Variants in ZNF451 observed in about 807,000 individuals in gnomAD.
ZNF451 encodes zinc finger protein 451.
Under a neutral mutation model 107.1 loss-of-function variants are expected in ZNF451, and 80 were observed. The ratio of observed to expected loss-of-function variants is 0.75; its 90% CI spans 0.62 to 0.90. ZNF451 has a LOEUF of 0.90. Among genes scored for constraint, ZNF451 ranks in the 40% least tolerant of loss-of-function variants. The probability of loss-of-function intolerance (pLI) is 0.00; values close to 1 mark genes in which losing one functional copy is unlikely to be tolerated. For missense variants in ZNF451, 1,107 were observed against 1,236.2 expected (o/e 0.90, Z 1.57); for synonymous variants, 362 against 406.5 (o/e 0.89, Z 1.32).
At chr6:57,124,279 G>A in intron 3 of ZNF451, 2 of 608,258 alleles carry the variant, frequency 3.3e-6, no homozygotes, top group Non-Finnish European at 5.8e-6. Flanking sequence ...GCCCCTCTAT[G>A]GCTGGCTCCC....
In ZNF451 at chr6:57,148,398, TATCC is replaced by T. The variant is rs748013296; in HGVS notation, c.2317_2320del (p.His773LysfsTer15). On this transcript the variant is annotated frameshift_variant, in exon 10 of 15. Transcript: ENST00000370706. LOFTEE classifies it high-confidence loss of function. ...AGAATTTAACCGACATGAACACTCA[TATCC>T]ATCAAGTGCACAAAGAAAAGAGTGA... The T allele has an allele frequency of 5.6e-6, 9 of 1,613,916 alleles. No individual in the cohort carries two copies.
At chr6:57,154,140 T>C (rs762780458) in intron 13 of ZNF451, 93 bp downstream of exon 13, 1 of 1,223,882 alleles carries the variant, frequency 8.2e-7, no homozygotes, top group South Asian at 1.2e-5. Flanking sequence ...AGTGAACTGT[T>C]GCCTGCTTGC....
chr6:57,096,767 C>G (rs1336998710), intron 2 of ZNF451, among the ~76,000 whole-genome samples: 1 of 79,932 alleles, frequency 1.3e-5, no homozygotes, highest in Non-Finnish European at 2.5e-5. Flanking sequence ...AATTTTCAGT[C>G]TTTTTTTTTT....
chr6:57,160,575 TCCAC>T (rs1284761366), intron 13 of ZNF451, among the ~76,000 whole-genome samples: 5 of 152,152 alleles, frequency 3.3e-5, no homozygotes, highest in African/African-American at 9.7e-5. Flanking sequence ...GCTCAGGTGA[TCCAC>T]CCACTTCGGC....
At chr6:57,102,895 G>A in intron 3 of ZNF451, 1 of 985,424 alleles carries the variant, frequency 1.0e-6, no homozygotes. Context: ...AGAATTGTTT[G>A]TTGTTATCAA....
intron 7 of ZNF451, among the ~76,000 whole-genome samples, chr6:57,137,301 A>C (rs976593780): frequency 1.3e-5 from 2 of 152,186 alleles, no homozygotes; most frequent in African/African-American, 4.8e-5. Flanking sequence ...CAATGGAAAA[A>C]AGTCAAATTA....
At chr6:57,168,346 T>C (rs1763991984) in intron 14 of ZNF451, 77 bp from the exon 15 acceptor site, 5 of 1,003,184 alleles carry the variant, frequency 5.0e-6, no homozygotes, top group Admixed American at 2.3e-5. Context: ...AAGAATACAG[T>C]CGATGAAACT....
At chr6:57,163,641 G>A (rs1439795418) in intron 14 of ZNF451, among the ~76,000 whole-genome samples, 1 of 150,170 alleles carries the variant, frequency 6.7e-6, no homozygotes, top group East Asian at 2.0e-4. Context: ...TAGTAGAGAC[G>A]GGGTTTCACC....
chr6:57,100,782 T>G, intron 3 of ZNF451: 2 of 1,549,444 alleles, frequency 1.3e-6, no homozygotes, highest in Non-Finnish European at 1.7e-6. Context: ...ACCAGAAAAA[T>G]GATCAAAATA....
At chr6:57,126,380 T>C (rs1273355127) in intron 4 of ZNF451, among the ~76,000 whole-genome samples, 1 of 152,094 alleles carries the variant, frequency 6.6e-6, no homozygotes, top group Admixed American at 6.6e-5. Flanking sequence ...ACTTATTTTT[T>C]AAAAGTAGAT....
chr6:57,105,793 G>A, intron 3 of ZNF451: 4 of 985,258 alleles, frequency 4.1e-6, no homozygotes, highest in Non-Finnish European at 3.6e-6. Context: ...GTTAGAATAA[G>A]CAAGGACATT....
At chr6:57,139,673 G>A (rs562315669) in intron 7 of ZNF451, among the ~76,000 whole-genome samples, 2 of 152,234 alleles carry the variant, frequency 1.3e-5, no homozygotes. Context: ...CTATTTTAAG[G>A]TAGAGGAGGC....
intron 11 of ZNF451, chr6:57,151,874 G>A (rs978969288): frequency 5.9e-6 from 1 of 168,216 alleles, no homozygotes; most frequent in East Asian, 1.7e-4. Context: ...TTTGGTGATT[G>A]CCCATCATTT....
chr6:57,126,761 A>T (rs1830949677), intron 4 of ZNF451, among the ~76,000 whole-genome samples: 2 of 152,282 alleles, frequency 1.3e-5, no homozygotes, highest in Admixed American at 1.3e-4. Flanking sequence ...TCTGTACTAA[A>T]AAGTTTTTGA....
chr6:57,117,368 T>A (rs1333681250), intron 3 of ZNF451, among the ~76,000 whole-genome samples: 1 of 152,024 alleles, frequency 6.6e-6, no homozygotes, highest in Non-Finnish European at 1.5e-5. Context: ...AAGCTCAACT[T>A]GTAGTTAAAT....
At position 57,103,312 on chromosome 6, in the gene ZNF451, A is replaced by T. The variant is rs145667720; in HGVS notation, c.186+4171A>T. The T allele has an allele frequency of 4.0e-4, 398 of 985,444 alleles. 2 individuals are homozygous for T. Among genetic ancestry groups the T allele is most frequent in the East Asian group, 3.2e-3 (28 of 8,820 alleles). 61.0% of individuals were successfully genotyped at this position (985,444 alleles called of 1,614,324 possible). On this transcript the variant is annotated intron_variant, in intron 3 of 14. Coordinates refer to ENST00000370706, the MANE Select transcript of ZNF451 (RefSeq NM_001031623.3). ...TGTTTCTGGATATCTAAGTGATGATATCCATTAATGATTTGAAAGGCTGAA... is the reference window on the plus strand; with the variant it reads ...TGTTTCTGGATATCTAAGTGATGATTTCCATTAATGATTTGAAAGGCTGAA...
chr6:57,168,394 G>A (rs1562634852), intron 14 of ZNF451, 29 bp from the exon 15 acceptor site: 1 of 1,535,072 alleles, frequency 6.5e-7, no homozygotes, highest in Non-Finnish European at 9.0e-7. Flanking sequence ...TCTGCCCTAA[G>A]TGTTAAAATT....
At chr6:57,131,372 G>C in intron 5 of ZNF451, among the ~76,000 whole-genome samples, 1 of 151,870 alleles carries the variant, frequency 6.6e-6, no homozygotes, top group East Asian at 1.9e-4. Flanking sequence ...CCTCCACCCA[G>C]AAATTGGCTT....
At chr6:57,118,674 A>G (rs1276720663) in intron 3 of ZNF451, among the ~76,000 whole-genome samples, 1 of 151,772 alleles carries the variant, frequency 6.6e-6, no homozygotes, top group Non-Finnish European at 1.5e-5. Context: ...TGTAGAGACG[A>G]GGCCTTGCAC....
Sources: allele counts gnomAD v4.1 joint callset (sites outside exome capture counted in the v4.1 genomes callset), GRCh38; gene constraint gnomAD v4.1.1; transcripts MANE v1.5; gene names NCBI Gene and HGNC (gene_info 2026-07-23, HGNC 2026-07-21).